The following SPEF2 variants were observed in gnomAD, a reference collection of about 807,000 sequenced individuals.
SPEF2 encodes the protein sperm flagellar and cilia associated 2.
Under a neutral mutation model 224.6 loss-of-function variants are expected in SPEF2, and 187 were observed. The ratio of observed to expected loss-of-function variants is 0.83; its 90% CI spans 0.74 to 0.94. The LOEUF is 0.94. SPEF2 is among the 40% of genes least tolerant of loss of function. The pLI, the probability that SPEF2 is intolerant of heterozygous loss-of-function variation, is 0.00. For synonymous variants in SPEF2, 715 were observed against 707.3 expected (o/e 1.01, Z -0.17); for missense variants, 2,170 against 2,135.6 (o/e 1.02, Z -0.32).
At chr5:35,731,517 T>C (rs1745641414) in intron 21 of SPEF2, among the ~76,000 whole-genome samples, 1 of 141,680 alleles carries the variant, frequency 7.1e-6, no homozygotes, top group African/African-American at 2.6e-5. Context: ...TCATTGGATT[T>C]TTTAGTATTG....
chr5:35,645,301 T>C (rs185758356), intron 4 of SPEF2, among the ~76,000 whole-genome samples: 8 of 152,194 alleles, frequency 5.3e-5, no homozygotes, highest in Non-Finnish European at 1.0e-4. Flanking sequence ...GTCAGCTCTT[T>C]GTAGGGAAGA....
chr5:35,785,551 T>G (rs566202396), intron 30 of SPEF2, among the ~76,000 whole-genome samples: 1 of 152,000 alleles, frequency 6.6e-6, no homozygotes, highest in Non-Finnish European at 1.5e-5. Flanking sequence ...TTTAAATTTT[T>G]ATAATTTTTT....
chr5:35,652,512 C>T (rs755891620), intron 6 of SPEF2, among the ~76,000 whole-genome samples: 15 of 152,266 alleles, frequency 9.9e-5, no homozygotes, highest in Middle Eastern at 6.8e-3. Flanking sequence ...GTGCTCAACT[C>T]TTCTCAGTGA....
intron 15 of SPEF2, 150 bp from the exon 16 acceptor site, chr5:35,700,346 C>A: frequency 1.4e-6 from 1 of 703,902 alleles, no homozygotes; most frequent in Non-Finnish European, 2.3e-6. Context: ...TGTGGCACAT[C>A]AGTAAACCTA....
chr5:35,661,494 G>A (rs1463901326), intron 8 of SPEF2, among the ~76,000 whole-genome samples: 2 of 151,244 alleles, frequency 1.3e-5, no homozygotes, highest in Admixed American at 1.3e-4. Context: ...GTGTCATGGG[G>A]GTTTGTTGTA....
chr5:35,665,617 A>G (rs1750364464), intron 8 of SPEF2, among the ~76,000 whole-genome samples: 1 of 151,972 alleles, frequency 6.6e-6, no homozygotes, highest in African/African-American at 2.4e-5. Context: ...AGAACTCTGT[A>G]GTAAACCAAC....
chr5:35,661,371 AT>A (rs1438780053), intron 8 of SPEF2, among the ~76,000 whole-genome samples: 7 of 146,386 alleles, frequency 4.8e-5, no homozygotes, highest in Non-Finnish European at 1.0e-4. Flanking sequence ...ATACCAAAAA[AT>A]ATATATACCA....
chr5:35,749,903 C>T (rs542248507), intron 23 of SPEF2, among the ~76,000 whole-genome samples: 2 of 152,190 alleles, frequency 1.3e-5, no homozygotes, highest in Admixed American at 6.5e-5. Flanking sequence ...CAAAGCAAGA[C>T]TAAGCAAAAA....
At chr5:35,792,556 C>A in intron 31 of SPEF2, 110 bp downstream of exon 31, 1 of 796,128 alleles carries the variant, frequency 1.3e-6, no homozygotes, top group Non-Finnish European at 2.0e-6. Context: ...ATTTAGTAGG[C>A]AATCAATGAA....
chr5:35,642,820 A>T (rs1746788669), intron 3 of SPEF2, among the ~76,000 whole-genome samples: 1 of 152,172 alleles, frequency 6.6e-6, no homozygotes, highest in Non-Finnish European at 1.5e-5. Context: ...CTCCATGTTT[A>T]TATTTGTCCA....
intron 21 of SPEF2, among the ~76,000 whole-genome samples, chr5:35,734,709 C>CTTTTT (rs869188623): frequency 6.4e-5 from 2 of 31,192 alleles, no homozygotes; most frequent in Non-Finnish European, 7.0e-5. Flanking sequence ...TCTTTTTTTT[C>CTTTTT]TTTTTTTTTT....
At chr5:35,643,626 A>T in intron 3 of SPEF2, 1 of 449,528 alleles carries the variant, frequency 2.2e-6, no homozygotes, top group South Asian at 1.6e-5. Context: ...TCAATGGTTC[A>T]TGTGGAAGAG....
intron 20 of SPEF2, among the ~76,000 whole-genome samples, chr5:35,713,482 T>C (rs1741623237): frequency 6.6e-6 from 1 of 151,768 alleles, no homozygotes; most frequent in Admixed American, 6.6e-5. Flanking sequence ...ATGCCTGTAA[T>C]CCCATCAGTT....
intron 1 of SPEF2, among the ~76,000 whole-genome samples, chr5:35,622,977 T>C (rs2149357576): frequency 6.6e-6 from 1 of 152,306 alleles, no homozygotes; most frequent in Admixed American, 6.5e-5. Context: ...CCTATTCTTT[T>C]ACCAAAGGAA....
intron 28 of SPEF2, among the ~76,000 whole-genome samples, chr5:35,775,455 G>C (rs79419300): frequency 0.019 from 2,923 of 152,202 alleles, 117 homozygotes; most frequent in African/African-American, 0.068. Context: ...ATATCAGCTT[G>C]TGAGTAGCTT....
At position 35,684,579 on chromosome 5, in the gene SPEF2, A is replaced by G. The variant is rs185305350; in HGVS notation, c.1525-6458A>G. Among the ~76,000 whole-genome samples, 4 of 152,320 alleles carry G rather than the reference A, an allele frequency of 2.6e-5. No individual in the cohort carries two copies. The East Asian group carries it at 7.7e-4, about 29-fold the overall frequency. On this transcript the variant is annotated intron_variant, in intron 10 of 36. Coordinates refer to ENST00000356031, the MANE Select transcript of SPEF2 (RefSeq NM_024867.4). ...TGTGGCGCTCTTACATGCCTCCAGCAGCTGCCTGAGAACTCCTAAACTGTT... is the reference window on the plus strand; with the variant it reads ...TGTGGCGCTCTTACATGCCTCCAGCGGCTGCCTGAGAACTCCTAAACTGTT...
rs1231651810 is a variant in SPEF2, at chr5:35,800,140, C to T, written c.5003C>T (p.Ala1668Val). 5.0e-6 allele frequency: 8 copies of T among 1,613,890 alleles called. No individual in the cohort carries two copies. Among genetic ancestry groups the T allele is most frequent in the Non-Finnish European group, 6.8e-6 (8 of 1,179,994 alleles). ...FQQVKASIPSAEKTSSTDAGP... is the reference protein window; with the variant it reads ...FQQVKASIPSVEKTSSTDAGP... ...CAAGTCAAAGCTTCCATTCCAAGTGCAGAAAAGGTAATTGCATTCCAGAAA... is the reference window on the plus strand; with the variant it reads ...CAAGTCAAAGCTTCCATTCCAAGTGTAGAAAAGGTAATTGCATTCCAGAAA... Residue 1668 changes from alanine to valine, a missense_variant, in exon 34 of 37, where the codon GCA becomes GTA. Coordinates refer to ENST00000356031, the MANE Select transcript of SPEF2 (RefSeq NM_024867.4).
At chr5:35,630,568 C>T (rs566835581) in intron 2 of SPEF2, among the ~76,000 whole-genome samples, 50 of 152,170 alleles carry the variant, frequency 3.3e-4, no homozygotes, top group African/African-American at 1.0e-3. Context: ...TGGTGGCGGG[C>T]GTCTGTAGTC....
intron 2 of SPEF2, among the ~76,000 whole-genome samples, chr5:35,640,955 C>T (rs1746551368): frequency 6.6e-6 from 1 of 152,088 alleles, no homozygotes; most frequent in Non-Finnish European, 1.5e-5. Flanking sequence ...GTAAGAGGCT[C>T]AAAAACATGC....
Sources: gnomAD v4.1 joint callset for allele counts (sites outside exome capture counted in the v4.1 genomes callset) on GRCh38, gnomAD v4.1.1 for gene constraint, MANE v1.5 for transcripts, NCBI Gene and HGNC (gene_info 2026-07-23, HGNC 2026-07-21) for gene names.